The following MTHFD2L variants were observed in gnomAD, a reference collection of about 807,000 sequenced individuals.
MTHFD2L encodes methylenetetrahydrofolate dehydrogenase (NADP+ dependent) 2 like, also known as bifunctional methylenetetrahydrofolate dehydrogenase/cyclohydrolase 2, mitochondrial.
MTHFD2L carries 29 observed loss-of-function variants against 34.9 expected under a neutral mutation model. The ratio of observed to expected loss-of-function variants is 0.83; its 90% CI spans 0.62 to 1.13. The LOEUF (loss-of-function observed/expected upper bound fraction) is 1.13, where lower values mean the gene tolerates loss of function less well. Ranked by LOEUF, MTHFD2L falls within the 50% of genes most tolerant of loss-of-function variation. The pLI is 0.00. For missense variants in MTHFD2L, 481 were observed against 446.5 expected, an observed-to-expected ratio of 1.08 and a Z score of -0.70; for synonymous variants, 167 against 155.7, an observed-to-expected ratio of 1.07 and a Z score of -0.54.
intron 6 of MTHFD2L, chr4:74,267,984 G>C (rs543642970): frequency 2.2e-4 from 221 of 985,238 alleles, no homozygotes; most frequent in Non-Finnish European, 2.6e-4. Flanking sequence ...GGGGCATTCA[G>C]ATATTGTCCT....
At chr4:74,274,744 C>G (rs1284575732) in intron 6 of MTHFD2L, among the ~76,000 whole-genome samples, 1 of 152,128 alleles carries the variant, frequency 6.6e-6, no homozygotes, top group Non-Finnish European at 1.5e-5. Flanking sequence ...CATCTCTTCC[C>G]CAATCCATGT....
intron 6 of MTHFD2L, among the ~76,000 whole-genome samples, chr4:74,261,644 A>G (rs1215835018): frequency 1.3e-5 from 2 of 152,102 alleles, no homozygotes; most frequent in Non-Finnish European, 1.5e-5. Flanking sequence ...TAATGTGACC[A>G]TATGTCATGA....
At chr4:74,267,777 A>G in intron 6 of MTHFD2L, 1 of 985,286 alleles carries the variant, frequency 1.0e-6, no homozygotes, top group Non-Finnish European at 1.2e-6. Flanking sequence ...TTTGGACCCC[A>G]CAGGTCCATT....
chr4:74,267,153 T>C, intron 6 of MTHFD2L: 1 of 985,144 alleles, frequency 1.0e-6, no homozygotes, highest in Non-Finnish European at 1.2e-6. Context: ...CATTCGACTT[T>C]AATACTCTGT....
At chr4:74,115,368 C>T (rs530541650) in intron 2 of MTHFD2L, among the ~76,000 whole-genome samples, 3 of 152,330 alleles carry the variant, frequency 2.0e-5, no homozygotes, top group Admixed American at 6.5e-5. Flanking sequence ...GACACCAATG[C>T]TAATACCAAA....
chr4:74,164,494 T>A (rs1288683470), intron 1 of MTHFD2L, among the ~76,000 whole-genome samples: 1 of 152,352 alleles, frequency 6.6e-6, no homozygotes, highest in South Asian at 2.1e-4. Context: ...CACTAAGTGC[T>A]GAAGACTTTC....
intron 6 of MTHFD2L, among the ~76,000 whole-genome samples, chr4:74,233,942 T>C (rs1217946679): frequency 6.6e-6 from 1 of 151,926 alleles, no homozygotes; most frequent in Non-Finnish European, 1.5e-5. Context: ...AACACATATA[T>C]ATGTACTATT....
chr4:74,230,079 T>G (rs1739783210), intron 6 of MTHFD2L, among the ~76,000 whole-genome samples: 1 of 152,210 alleles, frequency 6.6e-6, no homozygotes, highest in South Asian at 2.1e-4. Context: ...GATACATATT[T>G]AGCCGATATA....
chr4:74,132,514 C>T (rs903633284), intron 1 of MTHFD2L, among the ~76,000 whole-genome samples: 5 of 152,128 alleles, frequency 3.3e-5, no homozygotes, highest in African/African-American at 9.7e-5. Context: ...CACATGTTCT[C>T]ACTCATAAGT....
At chr4:74,118,551 G>A (rs1411231509), upstream of MTHFD2L, among the ~76,000 whole-genome samples, 1 of 152,154 alleles carries the variant, frequency 6.6e-6, no homozygotes, top group Non-Finnish European at 1.5e-5. Flanking sequence ...TAGAAATAGG[G>A]CCTTTAAAGA....
chr4:74,192,304 G>A (rs1297224655), intron 3 of MTHFD2L, among the ~76,000 whole-genome samples: 1 of 151,958 alleles, frequency 6.6e-6, no homozygotes, highest in African/African-American at 2.4e-5. Flanking sequence ...CTAAAAGACT[G>A]GTACAATGAA....
intron 4 of MTHFD2L, 107 bp downstream of exon 4, chr4:74,200,053 A>G (rs1408828076): frequency 5.0e-6 from 5 of 1,003,534 alleles, no homozygotes; most frequent in Non-Finnish European, 7.3e-6. Flanking sequence ...ACAGAAAATC[A>G]TAATCCATAA....
chr4:74,255,644 CT>C, intron 6 of MTHFD2L, among the ~76,000 whole-genome samples: 1 of 152,246 alleles, frequency 6.6e-6, no homozygotes, highest in Admixed American at 6.5e-5. Context: ...TGTTTCCCCC[CT>C]CTCTTCCACT....
At chr4:74,252,791 C>G (rs1336696261) in intron 6 of MTHFD2L, among the ~76,000 whole-genome samples, 1 of 151,856 alleles carries the variant, frequency 6.6e-6, no homozygotes, top group Non-Finnish European at 1.5e-5. Context: ...GAAGGTGATA[C>G]TAGAGATTAT....
intron 6 of MTHFD2L, among the ~76,000 whole-genome samples, chr4:74,248,395 C>A (rs926783842): frequency 6.6e-6 from 1 of 152,066 alleles, no homozygotes; most frequent in Non-Finnish European, 1.5e-5. Context: ...GTCTTGCTAG[C>A]AGTCTATCAA....
intron 3 of MTHFD2L, among the ~76,000 whole-genome samples, chr4:74,191,920 G>A (rs551435642): frequency 6.6e-6 from 1 of 151,974 alleles, no homozygotes; most frequent in Admixed American, 6.6e-5. Flanking sequence ...TTTCCTTATG[G>A]CAGCCTGTTC....
In MTHFD2L at chr4:74,302,543, G is replaced by A. The variant is rs1750441119; in HGVS notation, c.*734G>A. On this transcript the variant is annotated 3_prime_UTR_variant, in exon 8 of 8. Transcript: ENST00000325278. Reference sequence around the variant, plus strand: ...GTAAAAATACATGAAGAATGTGTTAGGTTTAAACGTCGTTTCTTTCTTCTA... The same window carrying A: ...GTAAAAATACATGAAGAATGTGTTAAGTTTAAACGTCGTTTCTTTCTTCTA... 6.6e-6 allele frequency: 1 copy of A among 151,990 alleles called. No homozygotes were observed. The highest frequency in any genetic ancestry group is 6.6e-5 in the Admixed American group (1 of 15,232). The allele number at this position is 151,990 out of a possible 1,614,324, so 9.4% of individuals were successfully genotyped here.
At chr4:74,253,465 C>A (rs1003324759) in intron 6 of MTHFD2L, among the ~76,000 whole-genome samples, 2 of 152,096 alleles carry the variant, frequency 1.3e-5, no homozygotes, top group African/African-American at 4.8e-5. Context: ...TAAGAAAAGG[C>A]AAATTAGAGA....
At chr4:74,129,710 A>C (rs1217693231) in intron 1 of MTHFD2L, among the ~76,000 whole-genome samples, 1 of 152,188 alleles carries the variant, frequency 6.6e-6, no homozygotes, top group African/African-American at 2.4e-5. Context: ...AAAAGCTAGC[A>C]GAAGACAAGA....
Sources: gnomAD v4.1 joint callset for allele counts (sites outside exome capture counted in the v4.1 genomes callset) on GRCh38, gnomAD v4.1.1 for gene constraint, MANE v1.5 for transcripts, NCBI Gene and HGNC (gene_info 2026-07-23, HGNC 2026-07-21) for gene names.